The following ROBO2 variants were observed in gnomAD, a reference collection of about 807,000 sequenced individuals.
ROBO2 encodes roundabout guidance receptor 2, also known as roundabout homolog 2.
ROBO2 carries 53 observed loss-of-function variants against 160.8 expected under a neutral mutation model. That is an observed-to-expected ratio of 0.33 (90% CI 0.26 to 0.41). ROBO2 has a LOEUF of 0.41. ROBO2 is among the 10% of genes least tolerant of loss of function. The pLI, the probability that ROBO2 is intolerant of heterozygous loss-of-function variation, is 1.00. For synonymous variants in ROBO2, 664 were observed against 611.7 expected (o/e 1.09, Z -1.26); for missense variants, 1,577 against 1,722.4 (o/e 0.92, Z 1.49).
At chr3:76,905,439 T>C (rs1226923674) in intron 2 of ROBO2, among the ~76,000 whole-genome samples, 2 of 152,156 alleles carry the variant, frequency 1.3e-5, no homozygotes, top group East Asian at 3.9e-4. Flanking sequence ...ATTTTTAACA[T>C]TTACATTTTC....
At chr3:76,937,367 C>T (rs976099466) in intron 2 of ROBO2, among the ~76,000 whole-genome samples, 3 of 151,816 alleles carry the variant, frequency 2.0e-5, no homozygotes, top group Non-Finnish European at 4.4e-5. Flanking sequence ...AATCTGATGC[C>T]ATAAAAATTT....
At chr3:77,048,026 G>A (rs551377155) in intron 1 of ROBO2, among the ~76,000 whole-genome samples, 4 of 152,070 alleles carry the variant, frequency 2.6e-5, no homozygotes, top group East Asian at 1.9e-4. Context: ...CAGCCTCGGC[G>A]ACAGAGTGAG....
At chr3:76,902,219 A>G (rs2075288599) in intron 2 of ROBO2, among the ~76,000 whole-genome samples, 2 of 152,000 alleles carry the variant, frequency 1.3e-5, no homozygotes, top group South Asian at 2.1e-4. Flanking sequence ...CAATACTCAT[A>G]ATGTAATAAA....
intron 2 of ROBO2, among the ~76,000 whole-genome samples, chr3:76,401,205 G>GA (rs574235968): frequency 6.6e-6 from 1 of 151,324 alleles, no homozygotes; most frequent in African/African-American, 2.4e-5. Context: ...AACATTGCAA[G>GA]AAAAAAATGT....
At position 76,541,655 on chromosome 3, in the gene ROBO2, G is replaced by A. The variant is rs571035348; in HGVS notation, c.110-556359G>A. Among the ~76,000 whole-genome samples, 49 of 152,330 alleles carry A rather than the reference G, an allele frequency of 3.2e-4. 1 individual carries two copies. In the South Asian group the frequency reaches 5.2e-3, roughly 16 times the overall value. Reference sequence around the variant, plus strand: ...GGATCCCACTGATGGCGTGGCACACGTAAGAGAGGAGGCGCTTCCCTGGAG... The same window carrying A: ...GGATCCCACTGATGGCGTGGCACACATAAGAGAGGAGGCGCTTCCCTGGAG... On this transcript the variant is annotated intron_variant, in intron 2 of 26. Transcript: ENST00000487694.
intron 2 of ROBO2, among the ~76,000 whole-genome samples, chr3:76,497,399 T>C (rs13317406): frequency 0.27 from 41,019 of 151,954 alleles, 6,690 homozygotes; most frequent in African/African-American, 0.44. Flanking sequence ...CCTCACTGTG[T>C]TGCCCAGGCT....
chr3:77,190,375 T>C (rs1396628245), intron 2 of ROBO2, among the ~76,000 whole-genome samples: 2 of 152,002 alleles, frequency 1.3e-5, no homozygotes, highest in East Asian at 3.9e-4. Flanking sequence ...TTCTGACCTC[T>C]ATTCTTAACT....
At chr3:77,554,039 A>G (rs576276815) in intron 8 of ROBO2, among the ~76,000 whole-genome samples, 18 of 151,934 alleles carry the variant, frequency 1.2e-4, no homozygotes, top group Non-Finnish European at 2.4e-4. Context: ...GCTTTAAATG[A>G]CAGACTAACT....
chr3:76,141,989 A>T (rs1324541305), intron 2 of ROBO2, among the ~76,000 whole-genome samples: 2 of 152,038 alleles, frequency 1.3e-5, no homozygotes, highest in Non-Finnish European at 2.9e-5. Context: ...TTAAGCAGTA[A>T]AATAATACCT....
chr3:77,506,887 G>A lies in ROBO2; in HGVS notation c.806+13505G>A, dbSNP rs192297916. On this transcript the variant is annotated intron_variant, in intron 5 of 25. Transcript: ENST00000461745. ...CTGAGATATGATGGTTATACAAAAT[G>A]AGATAAATGAATAATATCATAATTT... Among the ~76,000 whole-genome samples, 247 of 152,192 alleles carry A rather than the reference G, an allele frequency of 1.6e-3. 2 individuals carry two copies. The highest frequency in any genetic ancestry group is 1.7e-3 in the Non-Finnish European group (115 of 67,998).
intron 2 of ROBO2, 106 bp from the exon 3 acceptor site, chr3:77,477,308 C>A: frequency 8.7e-7 from 1 of 1,150,196 alleles, no homozygotes. Context: ...AAAATCCAGG[C>A]AATTTTTACT....
intron 1 of ROBO2, among the ~76,000 whole-genome samples, chr3:77,062,311 C>T (rs1034107577): frequency 1.3e-5 from 2 of 152,050 alleles, no homozygotes; most frequent in Non-Finnish European, 2.9e-5. Context: ...GTGTTTAAAC[C>T]CAATTCAGTT....
intron 2 of ROBO2, among the ~76,000 whole-genome samples, chr3:76,395,042 CA>C (rs1425629182): frequency 6.6e-6 from 1 of 152,110 alleles, no homozygotes; most frequent in East Asian, 1.9e-4. Flanking sequence ...AGCACCGCAC[CA>C]CACCTATTCC....
chr3:77,423,571 T>C (rs2077908184), intron 2 of ROBO2, among the ~76,000 whole-genome samples: 2 of 152,158 alleles, frequency 1.3e-5, no homozygotes, highest in African/African-American at 4.8e-5. Flanking sequence ...CTTCCTGGTT[T>C]TTCTACTTAG....
intron 2 of ROBO2, among the ~76,000 whole-genome samples, chr3:76,766,253 C>G (rs1206070192): frequency 6.6e-6 from 1 of 151,598 alleles, no homozygotes; most frequent in Non-Finnish European, 1.5e-5. Flanking sequence ...ACCCACTTCA[C>G]CTACAATGAG....
intron 2 of ROBO2, among the ~76,000 whole-genome samples, chr3:76,261,198 GTGTGTA>G (rs1706729476): frequency 7.9e-6 from 1 of 127,274 alleles, no homozygotes; most frequent in African/African-American, 2.8e-5. Flanking sequence ...GTGTGTGTGT[GTGTGTA>G]TATATATATA....
chr3:76,503,094 G>A (rs553818640), intron 2 of ROBO2, among the ~76,000 whole-genome samples: 1 of 151,974 alleles, frequency 6.6e-6, no homozygotes, highest in South Asian at 2.1e-4. Context: ...TCCCACAATA[G>A]GCTGTCTGCA....
intron 2 of ROBO2, among the ~76,000 whole-genome samples, chr3:76,114,740 G>T (rs147362741): frequency 3.9e-5 from 6 of 152,210 alleles, no homozygotes; most frequent in African/African-American, 1.4e-4. Context: ...TTTATGATTA[G>T]TAAAGGACAT....
intron 6 of ROBO2, among the ~76,000 whole-genome samples, chr3:77,537,415 A>C (rs752657879): frequency 2.8e-4 from 42 of 152,270 alleles, no homozygotes; most frequent in Non-Finnish European, 5.0e-4. Flanking sequence ...CAATGAATGA[A>C]TGTAATTTGT....
Sources: gnomAD v4.1 joint callset for allele counts (sites outside exome capture counted in the v4.1 genomes callset) on GRCh38, gnomAD v4.1.1 for gene constraint, MANE v1.5 for transcripts, NCBI Gene and HGNC (gene_info 2026-07-23, HGNC 2026-07-21) for gene names.